Variants in PLOD2 observed in about 807,000 individuals in gnomAD.
PLOD2 encodes lysine hydroxylase 2.
A neutral mutation model predicts 101.0 loss-of-function variants in PLOD2; 65 were observed. The observed-to-expected ratio is 0.64, with a 90% CI of 0.53 to 0.79. The LOEUF (loss-of-function observed/expected upper bound fraction) is 0.79, where lower values mean the gene tolerates loss of function less well. Among genes scored for constraint, PLOD2 ranks in the 30% least tolerant of loss-of-function variants. PLOD2 has a pLI of 0.00. For synonymous variants in PLOD2, 314 were observed against 302.9 expected, an observed-to-expected ratio of 1.04 and a Z score of -0.38; for missense variants, 909 against 914.6, an observed-to-expected ratio of 0.99 and a Z score of 0.08.
chr3:146,155,386 C>T (rs1254856498), intron 1 of PLOD2, among the ~76,000 whole-genome samples: 1 of 151,848 alleles, frequency 6.6e-6, no homozygotes, highest in Non-Finnish European at 1.5e-5. Context: ...TTCTAGATAA[C>T]TATTTTTAAC....
At chr3:146,150,081 A>G (rs924616507) in intron 1 of PLOD2, among the ~76,000 whole-genome samples, 16 of 152,202 alleles carry the variant, frequency 1.1e-4, no homozygotes, top group African/African-American at 3.6e-4. Flanking sequence ...AGAAGTCCAG[A>G]TTAAAATGTA....
chr3:146,134,229 A>G (rs895446093), intron 1 of PLOD2, among the ~76,000 whole-genome samples: 1 of 152,208 alleles, frequency 6.6e-6, no homozygotes, highest in Non-Finnish European at 1.5e-5. Flanking sequence ...ACAAAGTACA[A>G]TAAACAATAT....
intron 3 of PLOD2, among the ~76,000 whole-genome samples, chr3:146,113,105 G>A (rs1344144519): frequency 6.6e-6 from 1 of 152,120 alleles, no homozygotes; most frequent in East Asian, 1.9e-4. Context: ...ATTAATAAAT[G>A]TCAGTTGTTT....
intron 11 of PLOD2, among the ~76,000 whole-genome samples, chr3:146,083,628 C>A (rs1304006590): frequency 7.1e-6 from 1 of 141,502 alleles, no homozygotes; most frequent in Non-Finnish European, 1.5e-5. Flanking sequence ...GTCGCCCAGG[C>A]TAGAGTGCAG....
Position 146,114,976 on chromosome 3 carries a change from T to TG in PLOD2, c.339-4529dup, listed in dbSNP as rs1414483722. On this transcript the variant is annotated intron_variant, in intron 3 of 19. Coordinates refer to ENST00000282903, the MANE Select transcript of PLOD2 (RefSeq NM_182943.3). Reference sequence around the variant, plus strand: ...GAATTCCAGGATTCTGTAGAAAACTTGGGGGGGATGAATTAATAAAATGAA... The same window carrying TG: ...GAATTCCAGGATTCTGTAGAAAACTTGGGGGGGGATGAATTAATAAAATGAA... Among the ~76,000 whole-genome samples the TG allele has an allele frequency of 2.6e-5, 4 of 152,002 alleles. No homozygotes were observed. In the South Asian group the frequency reaches 6.2e-4, roughly 24 times the overall value.
chr3:146,147,089 T>C (rs1417974995), intron 1 of PLOD2, among the ~76,000 whole-genome samples: 3 of 152,120 alleles, frequency 2.0e-5, no homozygotes, highest in Non-Finnish European at 2.9e-5. Flanking sequence ...CAACTAAGAA[T>C]GTAAAGTTAG....
intron 3 of PLOD2, among the ~76,000 whole-genome samples, chr3:146,113,737 C>T (rs765003965): frequency 1.3e-5 from 2 of 152,022 alleles, no homozygotes; most frequent in South Asian, 2.1e-4. Flanking sequence ...CTGTGCAAAT[C>T]GTTAGTAAAT....
chr3:146,070,981 A>C (rs1936104546), intron 19 of PLOD2, 61 bp downstream of exon 19: 3 of 1,534,274 alleles, frequency 2.0e-6, no homozygotes, highest in Non-Finnish European at 2.7e-6. Flanking sequence ...CCTAAGGCAA[A>C]GTCCTTTTCA....
intron 1 of PLOD2, among the ~76,000 whole-genome samples, chr3:146,125,031 T>G (rs573311345): frequency 6.6e-6 from 1 of 152,216 alleles, no homozygotes; most frequent in Admixed American, 6.5e-5. Flanking sequence ...AAAGGCATGT[T>G]GGAAAAATGC....
intron 1 of PLOD2, among the ~76,000 whole-genome samples, chr3:146,158,587 G>A (rs1242278159): frequency 6.6e-6 from 1 of 151,864 alleles, no homozygotes; most frequent in Non-Finnish European, 1.5e-5. Flanking sequence ...ATGCCATATT[G>A]CCTCAAATAC....
At chr3:146,160,814 T>G (rs1054304802) in intron 1 of PLOD2, 67 bp downstream of exon 1, 2 of 989,756 alleles carry the variant, frequency 2.0e-6, no homozygotes, top group Non-Finnish European at 3.1e-6. Context: ...GAAGGGCTGG[T>G]GGATGAATGA....
intron 4 of PLOD2, among the ~76,000 whole-genome samples, chr3:146,108,146 T>C (rs1937568912): frequency 6.6e-6 from 1 of 152,084 alleles, no homozygotes. Flanking sequence ...ACATTACATA[T>C]TTTATGTGAT....
Position 146,110,409 on chromosome 3 carries a change from T to C in PLOD2, c.378A>G (p.Leu126=), listed in dbSNP as rs1346178470. ...TGTGGTTTGCCTTTTGGAATTTTTT[T>C]AGAACTTCTTCTGGACCACCAGCAA... is the stretch of plus-strand genomic sequence containing the variant. The part of the protein sequence containing the change: ...VIFAGGPEEV[L]KKFQKANHKV... The change falls in exon 4 of 20, where the codon CTA becomes CTG. Residue 126 remains leucine (L), a synonymous_variant. Coordinates refer to ENST00000282903, the MANE Select transcript of PLOD2 (RefSeq NM_182943.3). 6.2e-7 allele frequency: 1 copy of C among 1,613,674 alleles called. No individual in the cohort carries two copies.
chr3:146,095,857 CT>C, intron 7 of PLOD2, among the ~76,000 whole-genome samples: 1 of 1,286 alleles, frequency 7.8e-4, no homozygotes. Flanking sequence ...CATATACCCT[CT>C]CCCCTCTCCC....
intron 15 of PLOD2, among the ~76,000 whole-genome samples, chr3:146,074,930 C>T (rs915540948): frequency 6.6e-6 from 1 of 151,594 alleles, no homozygotes; most frequent in African/African-American, 2.4e-5. Flanking sequence ...CTTGTTCCTA[C>T]TCAGTTCTGA....
At chr3:146,141,016 CT>C (rs1443356527) in intron 1 of PLOD2, among the ~76,000 whole-genome samples, 1 of 151,918 alleles carries the variant, frequency 6.6e-6, no homozygotes, top group Non-Finnish European at 1.5e-5. Context: ...TTACTGCCCC[CT>C]AATAAGTTTT....
At chr3:146,096,119 C>G (rs1453793605) in intron 7 of PLOD2, among the ~76,000 whole-genome samples, 1 of 150,574 alleles carries the variant, frequency 6.6e-6, no homozygotes, top group Non-Finnish European at 1.5e-5. Flanking sequence ...CAGCTCCTAA[C>G]TGCGAGTGAT....
intron 1 of PLOD2, among the ~76,000 whole-genome samples, chr3:146,135,730 G>A (rs1265499671): frequency 6.6e-6 from 1 of 151,992 alleles, no homozygotes; most frequent in Non-Finnish European, 1.5e-5. Context: ...TCTCATACAC[G>A]TGCATACTCT....
At chr3:146,146,706 G>A (rs1327169076) in intron 1 of PLOD2, among the ~76,000 whole-genome samples, 1 of 152,156 alleles carries the variant, frequency 6.6e-6, no homozygotes, top group Admixed American at 6.6e-5. Context: ...ACTTCCAATG[G>A]TGGGCTCCTG....
Sources: allele counts gnomAD v4.1 joint callset (sites outside exome capture counted in the v4.1 genomes callset), GRCh38; gene constraint gnomAD v4.1.1; transcripts MANE v1.5; gene names NCBI Gene and HGNC (gene_info 2026-07-23, HGNC 2026-07-21).